The following CNBD1 variants were observed in gnomAD, a reference collection of about 807,000 sequenced individuals.
CNBD1 encodes the protein cyclic nucleotide binding domain containing 1.
Under a neutral mutation model 54.4 loss-of-function variants are expected in CNBD1, and 71 were observed. The ratio of observed to expected loss-of-function variants is 1.30; its 90% CI spans 1.08 to 1.59. The LOEUF (loss-of-function observed/expected upper bound fraction) is 1.59. Among genes scored for constraint, CNBD1 ranks in the 40% most tolerant of loss-of-function variants. CNBD1 has a pLI of 0.00. For missense variants in CNBD1, 659 were observed against 518.0 expected (o/e 1.27, Z -2.64); for synonymous variants, 182 against 170.7 (o/e 1.07, Z -0.51).
chr8:87,301,894 T>A (rs1387766488), intron 8 of CNBD1, among the ~76,000 whole-genome samples: 2 of 152,114 alleles, frequency 1.3e-5, no homozygotes, highest in Non-Finnish European at 2.9e-5. Context: ...CTAGAAGAAA[T>A]GGATAAATTC....
rs527347539 is a variant in CNBD1 at position 87,095,096 on chromosome 8, C to T, written c.432-110897C>T. Among the ~76,000 whole-genome samples, 10 of 152,296 alleles carry T rather than the reference C, an allele frequency of 6.6e-5. No homozygotes were observed. The South Asian group carries it at 2.1e-3, about 32-fold the overall frequency. ...GAGGAGATGCCTATAACCTACTAAA[C>T]ATCATATTCACAATAGCATGGCCTC... On this transcript the variant is annotated intron_variant, in intron 4 of 10. Transcript: ENST00000518476.
intron 10 of CNBD1, among the ~76,000 whole-genome samples, chr8:87,373,902 T>C (rs1349642663): frequency 5.9e-5 from 9 of 151,998 alleles, no homozygotes; most frequent in Non-Finnish European, 1.0e-4. Flanking sequence ...TATCACATTC[T>C]ATTTCATGAT....
chr8:87,009,933 C>G (rs573111736), intron 4 of CNBD1, among the ~76,000 whole-genome samples: 7 of 152,304 alleles, frequency 4.6e-5, no homozygotes, highest in Admixed American at 3.9e-4. Context: ...TCTCTTTCTT[C>G]TCTTCCTCCT....
chr8:87,286,370 A>T (rs1372232094), intron 7 of CNBD1, among the ~76,000 whole-genome samples, 169 bp from the exon 8 acceptor site: 2 of 152,154 alleles, frequency 1.3e-5, no homozygotes, highest in Non-Finnish European at 2.9e-5. Flanking sequence ...TAACATTTTA[A>T]TATGTCTATG....
chr8:87,405,066 A>G (rs1294591903), intron 2 of CNBD1, among the ~76,000 whole-genome samples: 5 of 152,122 alleles, frequency 3.3e-5, no homozygotes, highest in Admixed American at 2.6e-4. Context: ...GAAAAAATAA[A>G]TCATTTTCAT....
At chr8:87,247,665 A>G (rs1389024619) in intron 6 of CNBD1, among the ~76,000 whole-genome samples, 1 of 152,238 alleles carries the variant, frequency 6.6e-6, no homozygotes, top group Non-Finnish European at 1.5e-5. Context: ...TCATAACTCA[A>G]AAACTCTGGC....
At chr8:87,399,323 G>A (rs1009309212) in intron 2 of CNBD1, among the ~76,000 whole-genome samples, 2 of 151,994 alleles carry the variant, frequency 1.3e-5, no homozygotes, top group African/African-American at 2.4e-5. Flanking sequence ...CACTGTGCAT[G>A]TGCACAATAG....
At chr8:87,006,313 G>A (rs1229987609) in intron 4 of CNBD1, among the ~76,000 whole-genome samples, 6 of 152,094 alleles carry the variant, frequency 3.9e-5, no homozygotes, top group African/African-American at 1.4e-4. Flanking sequence ...TTCCAAAACA[G>A]AAGGCATCAC....
At chr8:87,370,208 A>G (rs1375013735) in intron 10 of CNBD1, among the ~76,000 whole-genome samples, 10 of 152,114 alleles carry the variant, frequency 6.6e-5, no homozygotes, top group Admixed American at 3.3e-4. Context: ...GTGTCTTTAT[A>G]GCAGCATGAT....
At chr8:87,107,105 G>A (rs1410806747) in intron 4 of CNBD1, among the ~76,000 whole-genome samples, 1 of 152,166 alleles carries the variant, frequency 6.6e-6, no homozygotes, top group Non-Finnish European at 1.5e-5. Flanking sequence ...CGGGATTACA[G>A]ACGTGAGCCA....
chr8:87,339,705 A>G (rs1810026079), intron 8 of CNBD1, among the ~76,000 whole-genome samples: 1 of 151,886 alleles, frequency 6.6e-6, no homozygotes, highest in Non-Finnish European at 1.5e-5. Flanking sequence ...TCCTTTGGTT[A>G]CTGTGGGGCT....
intron 8 of CNBD1, among the ~76,000 whole-genome samples, chr8:87,332,414 T>C (rs1278712617): frequency 2.0e-5 from 3 of 152,184 alleles, no homozygotes; most frequent in Non-Finnish European, 4.4e-5. Flanking sequence ...TTAGCGTTTG[T>C]TGTAATTGCT....
At chr8:87,252,424 T>A (rs1807933194) in intron 6 of CNBD1, among the ~76,000 whole-genome samples, 2 of 152,208 alleles carry the variant, frequency 1.3e-5, no homozygotes, top group African/African-American at 4.8e-5. Flanking sequence ...CAATTTCATA[T>A]CTACACTCTG....
intron 6 of CNBD1, among the ~76,000 whole-genome samples, chr8:87,241,326 A>T (rs779818906): frequency 2.3e-5 from 3 of 129,456 alleles, no homozygotes; most frequent in African/African-American, 9.4e-5. Flanking sequence ...GCTGGAGTGC[A>T]GTGGCGCGAT....
At chr8:87,009,592 A>G (rs930059000) in intron 4 of CNBD1, among the ~76,000 whole-genome samples, 1 of 152,044 alleles carries the variant, frequency 6.6e-6, no homozygotes, top group African/African-American at 2.4e-5. Context: ...ATGAGCCACC[A>G]CACCTGGCCC....
chr8:87,156,468 C>A (rs1380387807), intron 4 of CNBD1, among the ~76,000 whole-genome samples: 1 of 149,328 alleles, frequency 6.7e-6, no homozygotes, highest in African/African-American at 2.5e-5. Flanking sequence ...TGGTCTCAAC[C>A]CCTGACCTCA....
intron 4 of CNBD1, among the ~76,000 whole-genome samples, chr8:86,999,726 T>C (rs1808954381): frequency 6.6e-6 from 1 of 152,188 alleles, no homozygotes; most frequent in Admixed American, 6.5e-5. Context: ...CTAAAGTTTA[T>C]CTTTTGAATT....
chr8:86,886,132 T>A (rs1381054423), intron 1 of CNBD1, among the ~76,000 whole-genome samples: 1 of 152,128 alleles, frequency 6.6e-6, no homozygotes, highest in African/African-American at 2.4e-5. Flanking sequence ...TCATCAGAGC[T>A]ATTACTGACA....
In CNBD1 at chr8:87,296,605, G is replaced by GTATA. The variant is rs373445352; in HGVS notation, c.1042+9943_1042+9946dup. On this transcript the variant is annotated intron_variant, in intron 8 of 10. Transcript: ENST00000518476. ...TCTATATATATGTCTATATAATTTG[G>GTATA]TATATATATATACACATATATATAC... 1.9e-3 allele frequency among the ~76,000 whole-genome samples: 276 copies of GTATA among 148,778 alleles called. 1 individual carries two copies. The highest frequency in any genetic ancestry group is 5.9e-3 in the South Asian group (28 of 4,760).
Sources: gnomAD v4.1 joint callset for allele counts (sites outside exome capture counted in the v4.1 genomes callset) on GRCh38, gnomAD v4.1.1 for gene constraint, MANE v1.5 for transcripts, NCBI Gene and HGNC (gene_info 2026-07-23, HGNC 2026-07-21) for gene names.